The following ADAMTS10 variants were observed in gnomAD, a reference collection of about 807,000 sequenced individuals.
ADAMTS10 encodes the protein ADAM metallopeptidase with thrombospondin type 1 motif 10.
In ADAMTS10, 48 loss-of-function variants were observed where a neutral mutation model predicts 135.9. The ratio of observed to expected loss-of-function variants is 0.35; its 90% confidence interval spans 0.28 to 0.45. The LOEUF (loss-of-function observed/expected upper bound fraction) is 0.45, where lower values mean the gene tolerates loss of function less well. Among genes scored for constraint, ADAMTS10 ranks in the 20% least tolerant of loss-of-function variants. The pLI is 1.00. For missense variants in ADAMTS10, 1,131 were observed against 1,565.2 expected (o/e 0.72, Z 4.68); for synonymous variants, 621 against 647.5 (o/e 0.96, Z 0.62).
intron 12 of ADAMTS10, 64 bp downstream of exon 12, chr19:8,595,698 T>TGCCGACCC: frequency 7.7e-7 from 1 of 1,291,938 alleles, no homozygotes; most frequent in Non-Finnish European, 1.1e-6. Context: ...CTGGTGGAGT[T>TGCCGACCC]CCCTCCCCCA....
intron 12 of ADAMTS10, 114 bp downstream of exon 12, chr19:8,595,648 T>A: frequency 6.6e-7 from 1 of 1,514,810 alleles, no homozygotes; most frequent in Non-Finnish European, 9.0e-7. Flanking sequence ...CTCACCCCCC[T>A]TCCCGGTTCT....
chr19:8,592,666 AGCAGATAATAG>A (rs1244740311), intron 13 of ADAMTS10, 86 bp downstream of exon 13: 7 of 1,223,452 alleles, frequency 5.7e-6, no homozygotes, highest in Non-Finnish European at 6.9e-6. Context: ...TGTGGGAGGG[AGCAGATAATAG>A]GCCGAAGGAC....
chr19:8,600,783 C>A (rs572802735), intron 6 of ADAMTS10, 145 bp downstream of exon 6: 3 of 992,380 alleles, frequency 3.0e-6, no homozygotes, highest in Non-Finnish European at 4.6e-6. Flanking sequence ...CAGGTGTGAG[C>A]CACCGCGCCC....
chr19:8,596,004 T>C lies in ADAMTS10; in HGVS notation c.1337+69A>G. Reference sequence around the variant, plus strand: ...TCCCAGGGAGCATCCCTGATTTCTATCGTCTCCCGTGTACCCTGCCCCACC... The same window carrying C: ...TCCCAGGGAGCATCCCTGATTTCTACCGTCTCCCGTGTACCCTGCCCCACC... On this transcript the variant is annotated intron_variant, in intron 11 of 25. Coordinates refer to ENST00000597188, the MANE Select transcript of ADAMTS10 (RefSeq NM_030957.4). This position sits in a 1 kb window ranked among gnomAD's most constrained non-coding sequence, Gnocchi z 7.2. 1.2e-6 allele frequency: 2 copies of C among 1,613,814 alleles called. No individual in the cohort carries two copies. The highest frequency in any genetic ancestry group is 1.7e-5 in the Admixed American group (1 of 60,010).
At chr19:8,591,442 G>GTT (rs375476762) in intron 15 of ADAMTS10, among the ~76,000 whole-genome samples, 22 of 130,414 alleles carry the variant, frequency 1.7e-4, no homozygotes, top group African/African-American at 5.2e-4. Flanking sequence ...TAGCGTTTTT[G>GTT]TTTTTTTTTT....
Position 8,590,143 on chromosome 19 carries a change from G to A in ADAMTS10, c.1798-152C>T, listed in dbSNP as rs911930407. 72 of 656,514 alleles carry A rather than the reference G, an allele frequency of 1.1e-4. No individual in the cohort carries two copies. In the African/African-American group the frequency reaches 1.1e-3, roughly 10 times the overall value. 40.7% of individuals were successfully genotyped at this position (656,514 alleles called of 1,614,324 possible). On this transcript the variant is annotated intron_variant, in intron 15 of 25. Transcript: ENST00000597188. ...GGTGGTCTGCGTGAGACTAGGCCTG[G>A]AAGGTAGCCTGGGCTGGGCGTGTAG...
intron 16 of ADAMTS10, 49 bp from the exon 17 acceptor site, chr19:8,589,634 CTT>C (rs782608811): frequency 3.0e-5 from 48 of 1,610,332 alleles, no homozygotes; most frequent in Non-Finnish European, 4.0e-5. Flanking sequence ...CCCCGGAACT[CTT>C]TGCTTGCTCC....
Position 8,609,410 on chromosome 19 carries a change from C to T in ADAMTS10, c.-214-1162G>A, listed in dbSNP as rs2042756681. ...AGGCTCTGTCCCATCCCATCCCATC[C>T]CGGGGATCCTGAAGGGACCCTAAGC... On this transcript the variant is annotated intron_variant, in intron 1 of 25. Coordinates refer to ENST00000597188, the MANE Select transcript of ADAMTS10 (RefSeq NM_030957.4). 3.9e-5 allele frequency among the ~76,000 whole-genome samples: 6 copies of T among 152,038 alleles called. No homozygotes were observed. The South Asian group carries it at 8.3e-4, about 21-fold the overall frequency.
rs908730221 is a variant in ADAMTS10 at position 8,601,939 on chromosome 19, C to T, written c.593-794G>A. Among the ~76,000 whole-genome samples the T allele has an allele frequency of 3.3e-5, 5 of 152,176 alleles. No individual in the cohort carries two copies. The highest frequency in any genetic ancestry group is 4.8e-5 in the African/African-American group (2 of 41,456). Reference sequence around the variant, plus strand: ...CTAAGCTGGTTGGTTGAATCACTGTCCCATGATGACCAGCATGATTGTACA... The same window carrying T: ...CTAAGCTGGTTGGTTGAATCACTGTTCCATGATGACCAGCATGATTGTACA... On this transcript the variant is annotated intron_variant, in intron 5 of 25. Transcript: ENST00000597188. The surrounding 1 kb of genome is among the most constrained non-coding windows in gnomAD (Gnocchi z 4.6).
chr19:8,586,283 C>A, intron 21 of ADAMTS10, 32 bp from the exon 22 acceptor site: 2 of 1,613,212 alleles, frequency 1.2e-6, no homozygotes, highest in Non-Finnish European at 1.7e-6. Context: ...CTGCTCAGCC[C>A]CTCCCGGCCC....
At chr19:8,599,261 C>T (rs1444375778) in intron 6 of ADAMTS10, among the ~76,000 whole-genome samples, 1 of 152,046 alleles carries the variant, frequency 6.6e-6, no homozygotes, top group Non-Finnish European at 1.5e-5. Flanking sequence ...AAGAATGCTG[C>T]GTGAATACGG....
chr19:8,592,248 C>T (rs1400917411), intron 13 of ADAMTS10, 145 bp from the exon 14 acceptor site: 10 of 1,467,236 alleles, frequency 6.8e-6, no homozygotes, highest in African/African-American at 1.4e-5. Context: ...CGAACAGAGT[C>T]AGGTTACGTA....
intron 25 of ADAMTS10, among the ~76,000 whole-genome samples, chr19:8,584,258 C>T (rs539053945): frequency 6.6e-6 from 1 of 151,498 alleles, no homozygotes; most frequent in Non-Finnish European, 1.5e-5. Context: ...GGGAAGTGAT[C>T]GATTTTGACC....
At chr19:8,609,869 C>A (rs1384242646) in intron 1 of ADAMTS10, among the ~76,000 whole-genome samples, 1 of 151,992 alleles carries the variant, frequency 6.6e-6, no homozygotes, top group Non-Finnish European at 1.5e-5. Context: ...ACGCCTCCAC[C>A]GCAGACACAC....
At chr19:8,592,299 C>A in intron 13 of ADAMTS10, 196 bp from the exon 14 acceptor site, 1 of 1,129,928 alleles carries the variant, frequency 8.9e-7, no homozygotes, top group Non-Finnish European at 1.2e-6. Context: ...AAGCGAGAGG[C>A]GTGGCCTGAG....
intron 25 of ADAMTS10, among the ~76,000 whole-genome samples, chr19:8,583,933 C>T (rs745939347): frequency 9.2e-5 from 14 of 151,718 alleles, no homozygotes; most frequent in East Asian, 3.9e-4. Flanking sequence ...CCAAGGCCGG[C>T]GGATCACAAG....
intron 2 of ADAMTS10, among the ~76,000 whole-genome samples, chr19:8,606,767 G>A (rs1331012253): frequency 3.3e-5 from 5 of 152,158 alleles, no homozygotes; most frequent in African/African-American, 9.7e-5. Context: ...GCCTCCGGTG[G>A]AGGGTGGACG....
At position 8,603,903 on chromosome 19, in the gene ADAMTS10, G is replaced by T; in HGVS notation, c.436-19C>A. The stretch of plus-strand genomic sequence containing the variant: ...GGCCGTGCTGGGTTTTGAGAAGTGG[G>T]ATAGAAAGCTCTCAGGATCAGGTTC... On this transcript the variant is annotated intron_variant, in intron 4 of 25. Transcript: ENST00000597188. The T allele has an allele frequency of 1.3e-6, 2 of 1,592,664 alleles. No individual in the cohort carries two copies. Among genetic ancestry groups the T allele is most frequent in the Non-Finnish European group, 1.7e-6 (2 of 1,165,602 alleles).
At chr19:8,608,446 GCTT>G (rs1201519669) in intron 1 of ADAMTS10, among the ~76,000 whole-genome samples, 198 bp from the exon 2 acceptor site, 1 of 151,896 alleles carries the variant, frequency 6.6e-6, no homozygotes, top group East Asian at 1.9e-4. Context: ...CTCTCTTCTT[GCTT>G]CTTCTTCCCT....
Sources: allele counts gnomAD v4.1 joint callset (sites outside exome capture counted in the v4.1 genomes callset), GRCh38; gene constraint gnomAD v4.1.1; non-coding constraint Gnocchi (gnomAD v3.1); transcripts MANE v1.5; gene names NCBI Gene and HGNC (gene_info 2026-07-23, HGNC 2026-07-21).